WDR4: variants seen among roughly 807,000 people sequenced by gnomAD.
WDR4 encodes WDR4 tRNA N7-guanosine methyltransferase non-catalytic subunit.
In WDR4, 47 loss-of-function variants were observed where a neutral mutation model predicts 48.6. The ratio of observed to expected loss-of-function variants is 0.97; its 90% CI spans 0.77 to 1.23. WDR4 has a LOEUF of 1.23. Ranked by LOEUF, WDR4 falls within the 50% of genes most tolerant of loss-of-function variation. The probability of loss-of-function intolerance (pLI) is 0.00; values close to 1 mark genes in which losing one functional copy is unlikely to be tolerated. For synonymous variants in WDR4, 268 were observed against 230.0 expected (o/e 1.17, Z -1.49); for missense variants, 606 against 551.6 (o/e 1.10, Z -0.99).
chr21:42,873,717 T>A, intron 2 of WDR4, 26 bp from the exon 3 acceptor site: 1 of 1,608,204 alleles, frequency 6.2e-7, no homozygotes, highest in Non-Finnish European at 8.5e-7. Context: ...GGAAGACGGT[T>A]AAGCTTCACC....
At chr21:42,881,505 T>C (rs1014506888), upstream of WDR4, among the ~76,000 whole-genome samples, 29 of 152,374 alleles carry the variant, frequency 1.9e-4, no homozygotes, top group African/African-American at 6.7e-4. Context: ...ATATGATCTT[T>C]TTCAAGTCCC....
At chr21:42,847,946 TGAA>T (rs1469851544), downstream of WDR4, among the ~76,000 whole-genome samples, 1 of 152,182 alleles carries the variant, frequency 6.6e-6, no homozygotes, top group Non-Finnish European at 1.5e-5. Flanking sequence ...CCTGGCAGCG[TGAA>T]GGAGGCCAGG....
intron 3 of WDR4, among the ~76,000 whole-genome samples, chr21:42,871,720 T>A (rs138174338): frequency 6.6e-6 from 1 of 152,282 alleles, no homozygotes; most frequent in East Asian, 1.9e-4. Flanking sequence ...AGCCAGAAGG[T>A]GGGTAAGAAG....
intron 10 of WDR4, 136 bp downstream of exon 10, chr21:42,852,119 G>A: frequency 5.4e-6 from 5 of 919,986 alleles, no homozygotes; most frequent in South Asian, 4.2e-5. Context: ...CCCGCCTTCT[G>A]GATGGGGACA....
rs766380003 is a variant in WDR4, at chr21:42,863,503, C to T, written c.390G>A (p.Ser130=). 1.7e-5 allele frequency: 27 copies of T among 1,614,052 alleles called. No individual in the cohort carries two copies. The highest frequency in any genetic ancestry group is 8.8e-5 in the South Asian group (8 of 91,066). The change falls in exon 4 of 11, where the codon TCG becomes TCA. Residue 130 remains serine, a synonymous_variant. Transcript: ENST00000398208. Reference sequence around the variant, plus strand: ...GGCCACACCCGTGTGGCTCCAGCACCGAAAAGGAGTAGACGTCTCCAGACT... The same window carrying T: ...GGCCACACCCGTGTGGCTCCAGCACTGAAAAGGAGTAGACGTCTCCAGACT... The part of the protein sequence containing the change: ...ADKSGDVYSF[S]VLEPHGCGRL...
intron 9 of WDR4, among the ~76,000 whole-genome samples, chr21:42,853,306 G>A (rs934476168): frequency 6.6e-6 from 1 of 152,170 alleles, no homozygotes; most frequent in Non-Finnish European, 1.5e-5. Context: ...AGTGTGGTGT[G>A]GGGGGCCACA....
At chr21:42,851,533 CTTGTCGTGAATG>C (rs1421770952) in intron 10 of WDR4, among the ~76,000 whole-genome samples, 1 of 152,230 alleles carries the variant, frequency 6.6e-6, no homozygotes, top group African/African-American at 2.4e-5. Context: ...GCAGCAACTT[CTTGTCGTGAATG>C]AGGCACCTGG....
intron 11 of WDR4, among the ~76,000 whole-genome samples, chr21:42,844,066 T>C (rs1371728798): frequency 6.6e-6 from 1 of 152,100 alleles, no homozygotes; most frequent in African/African-American, 2.4e-5. Context: ...AAAATGGCCA[T>C]AGCTTAACAG....
rs538536419 is a variant in WDR4, at chr21:42,870,367, G to T, written c.296+3184C>A. ...CTCTGTCTCAAAACAAAGAAAGAAA[G>T]AAATCACAGAGCATATGGCCTAGCC... On this transcript the variant is annotated intron_variant, in intron 3 of 10. Coordinates refer to ENST00000398208, the MANE Select transcript of WDR4 (RefSeq NM_018669.6). Among the ~76,000 whole-genome samples, 89 of 152,102 alleles carry T rather than the reference G, an allele frequency of 5.9e-4. 1 individual carries two copies. Among genetic ancestry groups the T allele is most frequent in the African/African-American group, 2.0e-3 (81 of 41,488 alleles).
chr21:42,877,470 G>GT (rs1208537482), intron 1 of WDR4, among the ~76,000 whole-genome samples: 2 of 118,862 alleles, frequency 1.7e-5, no homozygotes, highest in Admixed American at 1.7e-4. Context: ...AGAGCACTTT[G>GT]TTAAAAAAAA....
chr21:42,855,127 CA>C (rs11287027), intron 7 of WDR4, among the ~76,000 whole-genome samples: 34,982 of 128,662 alleles, frequency 0.27, 4,985 homozygotes, highest in African/African-American at 0.47. Flanking sequence ...GACTCCATCT[CA>C]AAAAAAAAAA....
upstream of WDR4, among the ~76,000 whole-genome samples, chr21:42,881,354 T>G (rs548807174): frequency 6.6e-6 from 1 of 152,356 alleles, no homozygotes; most frequent in African/African-American, 2.4e-5. Flanking sequence ...CTAATAATAC[T>G]TTCCCCAGCT....
chr21:42,892,112 G>T, the WDR4 span, among the ~76,000 whole-genome samples: 1 of 151,868 alleles, frequency 6.6e-6, no homozygotes, highest in Non-Finnish European at 1.5e-5. Flanking sequence ...AATTTAGCCG[G>T]GCGTGGTGGC....
downstream of WDR4, among the ~76,000 whole-genome samples, chr21:42,847,306 T>C (rs548258300): frequency 5.3e-4 from 81 of 152,248 alleles, no homozygotes; most frequent in South Asian, 5.2e-3. Flanking sequence ...AAACTCTAAA[T>C]ACACGCGGAG....
chr21:42,855,712 C>T lies in WDR4; in HGVS notation c.696G>A (p.Leu232=), dbSNP rs2057971481. Residue 232 remains leucine (L), a synonymous_variant, in exon 7 of 11, where the codon CTG becomes CTA. Transcript: ENST00000398208. ...GGGCCTGGGGGTCCACCAGCTCCTG[C>T]AGACTGGCCAGGTGACAGCAGTGCA... is the stretch of plus-strand genomic sequence containing the variant. The part of the protein sequence containing the change: ...RQLHCCHLAS[L]QELVDPQAPQ... 2 of 1,554,898 alleles carry T rather than the reference C, an allele frequency of 1.3e-6. No individual in the cohort carries two copies. Among genetic ancestry groups the T allele is most frequent in the African/African-American group, 1.4e-5 (1 of 73,212 alleles).
At chr21:42,885,209 G>T in the WDR4 span, among the ~76,000 whole-genome samples, 8 of 152,130 alleles carry the variant, frequency 5.3e-5, no homozygotes, top group Admixed American at 3.3e-4. Context: ...TAACTTCTAG[G>T]GCAAGTCTTC....
intron 3 of WDR4, among the ~76,000 whole-genome samples, chr21:42,870,687 G>A (rs1194392692): frequency 1.3e-5 from 2 of 152,096 alleles, no homozygotes; most frequent in East Asian, 1.9e-4. Context: ...TACTTGGGAG[G>A]TTGAGGCAGG....
At chr21:42,874,463 G>A (rs1417977658) in intron 2 of WDR4, among the ~76,000 whole-genome samples, 1 of 152,214 alleles carries the variant, frequency 6.6e-6, no homozygotes, top group Non-Finnish European at 1.5e-5. Context: ...GGGAACAAGA[G>A]AGATAACCTT....
rs757560527 is a variant in WDR4 at position 42,854,550 on chromosome 21, G to A, written c.791+12C>T. 57 of 1,611,776 alleles carry A rather than the reference G, an allele frequency of 3.5e-5. No individual in the cohort carries two copies. Among genetic ancestry groups the A allele is most frequent in the African/African-American group, 9.4e-5 (7 of 74,848 alleles). On this transcript the variant is annotated intron_variant, in intron 8 of 10. Coordinates refer to ENST00000398208, the MANE Select transcript of WDR4 (RefSeq NM_018669.6). ...CAGAACCGGAGGCCATAGAGGTGCC[G>A]CCGCAGCTTACCCGTCGCACAGGAG...
Sources: allele counts gnomAD v4.1 joint callset (sites outside exome capture counted in the v4.1 genomes callset), GRCh38; gene constraint gnomAD v4.1.1; transcripts MANE v1.5; gene names NCBI Gene and HGNC (gene_info 2026-07-23, HGNC 2026-07-21).